ADCY2: variants seen among roughly 807,000 people sequenced by gnomAD.
ADCY2 encodes the protein adenylate cyclase type 2.
A neutral mutation model predicts 125.2 loss-of-function variants in ADCY2; 31 were observed. That is an observed-to-expected ratio of 0.25 (90% CI 0.19 to 0.33). The LOEUF (loss-of-function observed/expected upper bound fraction) is 0.33. Ranked by LOEUF, ADCY2 falls within the 10% of genes least tolerant of loss-of-function variation. The pLI is 1.00. For missense variants in ADCY2, 904 were observed against 1,418.2 expected, an observed-to-expected ratio of 0.64 and a Z score of 5.82; for synonymous variants, 512 against 548.4, an observed-to-expected ratio of 0.93 and a Z score of 0.93.
chr5:7,735,944 TC>T (rs1370628791), intron 14 of ADCY2, among the ~76,000 whole-genome samples: 1 of 152,204 alleles, frequency 6.6e-6, no homozygotes, highest in Non-Finnish European at 1.5e-5. Context: ...ACACCTGTAA[TC>T]CCAGCACTTT....
At chr5:7,458,668 G>A (rs7729543) in intron 2 of ADCY2, among the ~76,000 whole-genome samples, 13,341 of 152,050 alleles carry the variant, frequency 0.088, 1,002 homozygotes, top group African/African-American at 0.21. Context: ...CTTCCCACAG[G>A]GAGTTTGATA....
intron 3 of ADCY2, among the ~76,000 whole-genome samples, chr5:7,563,902 G>T (rs11134242): frequency 0.33 from 49,929 of 151,988 alleles, 8,997 homozygotes; most frequent in Non-Finnish European, 0.4. Context: ...AAATAGGCTG[G>T]GTACTACAGT....
intron 2 of ADCY2, among the ~76,000 whole-genome samples, chr5:7,434,123 A>G (rs1740710158): frequency 6.6e-6 from 1 of 152,234 alleles, no homozygotes; most frequent in Non-Finnish European, 1.5e-5. Flanking sequence ...ATGATGACAA[A>G]TAAATGCAAA....
chr5:7,799,646 T>C (rs1192915964), intron 20 of ADCY2: 1 of 152,422 alleles, frequency 6.6e-6, no homozygotes, highest in African/African-American at 2.4e-5. Flanking sequence ...AGAGCCTTGG[T>C]GGCAACCGCA....
chr5:7,488,693 C>A (rs372728575), intron 2 of ADCY2, among the ~76,000 whole-genome samples: 1 of 152,138 alleles, frequency 6.6e-6, no homozygotes, highest in African/African-American at 2.4e-5. Flanking sequence ...GTTAGGTGAT[C>A]AAAAGGGCCT....
chr5:7,699,047 C>T (rs1302868914), intron 7 of ADCY2, among the ~76,000 whole-genome samples: 1 of 121,318 alleles, frequency 8.2e-6, no homozygotes, highest in East Asian at 3.3e-4. Context: ...TCTCCAGCAT[C>T]TGTTGTTTCC....
At chr5:7,810,745 T>G (rs1053930461) in intron 22 of ADCY2, among the ~76,000 whole-genome samples, 3 of 152,246 alleles carry the variant, frequency 2.0e-5, no homozygotes, top group Middle Eastern at 3.4e-3. Flanking sequence ...TAGAAGCAAC[T>G]GTTCATTAGA....
chr5:7,668,173 T>A (rs905754192), intron 4 of ADCY2, among the ~76,000 whole-genome samples: 1 of 152,236 alleles, frequency 6.6e-6, no homozygotes, highest in Non-Finnish European at 1.5e-5. Flanking sequence ...GGTCAAAGAC[T>A]AGATGTTTTT....
At chr5:7,416,784 G>C (rs1352393211) in intron 2 of ADCY2, among the ~76,000 whole-genome samples, 1 of 152,172 alleles carries the variant, frequency 6.6e-6, no homozygotes, top group Non-Finnish European at 1.5e-5. Flanking sequence ...CTGGTGCCCA[G>C]GTAATGTAAA....
At chr5:7,704,122 T>C (rs1184797252) in intron 7 of ADCY2, among the ~76,000 whole-genome samples, 2 of 152,146 alleles carry the variant, frequency 1.3e-5, no homozygotes, top group African/African-American at 4.8e-5. Flanking sequence ...CATGCAAGGA[T>C]GTGCATTTCC....
intron 3 of ADCY2, among the ~76,000 whole-genome samples, chr5:7,555,469 T>A (rs1174034114): frequency 6.6e-6 from 1 of 152,242 alleles, no homozygotes; most frequent in Non-Finnish European, 1.5e-5. Flanking sequence ...TAATTCATGG[T>A]ATAATTTCCG....
intron 2 of ADCY2, among the ~76,000 whole-genome samples, chr5:7,500,887 A>G (rs1467011397): frequency 1.3e-5 from 2 of 152,098 alleles, no homozygotes; most frequent in Non-Finnish European, 2.9e-5. Context: ...GGATCCTTGC[A>G]GAAGTTCTTG....
intron 15 of ADCY2, among the ~76,000 whole-genome samples, chr5:7,756,297 G>T (rs1742988783): frequency 6.6e-6 from 1 of 152,226 alleles, no homozygotes; most frequent in African/African-American, 2.4e-5. Context: ...CTTATGCACT[G>T]AGACCCCATG....
intron 18 of ADCY2, among the ~76,000 whole-genome samples, chr5:7,776,193 T>A (rs1468598580): frequency 9.8e-5 from 9 of 91,548 alleles, no homozygotes; most frequent in African/African-American, 1.3e-4. Flanking sequence ...GTGAGATCCT[T>A]AAAAAAAAAA....
intron 18 of ADCY2, among the ~76,000 whole-genome samples, chr5:7,780,972 G>A (rs1202954876): frequency 6.6e-6 from 1 of 152,228 alleles, no homozygotes; most frequent in Non-Finnish European, 1.5e-5. Flanking sequence ...TGCGGCACGG[G>A]AGCATCTGAG....
At chr5:7,414,814 T>A (rs757789496) in intron 2 of ADCY2, 44 bp downstream of exon 2, 1 of 1,534,784 alleles carries the variant, frequency 6.5e-7, no homozygotes, top group African/African-American at 1.4e-5. Context: ...ATGTCTTGAT[T>A]TGTGACATAC....
chr5:7,507,682 G>A (rs1183402425), intron 2 of ADCY2, among the ~76,000 whole-genome samples: 1 of 152,072 alleles, frequency 6.6e-6, no homozygotes, highest in African/African-American at 2.4e-5. Flanking sequence ...TTAAGGAAAA[G>A]GACCTCCTGG....
At chr5:7,417,500 C>G (rs566725142) in intron 2 of ADCY2, among the ~76,000 whole-genome samples, 1 of 152,288 alleles carries the variant, frequency 6.6e-6, no homozygotes, top group South Asian at 2.1e-4. Flanking sequence ...TGGGGCAGGA[C>G]AGAGTGTAAG....
intron 2 of ADCY2, among the ~76,000 whole-genome samples, chr5:7,436,196 CA>C (rs1282334058): frequency 3.2e-4 from 48 of 152,082 alleles, no homozygotes; most frequent in African/African-American, 1.1e-3. Context: ...ATATTGTGAC[CA>C]GGGGTGCATA....
Sources: allele counts gnomAD v4.1 joint callset (sites outside exome capture counted in the v4.1 genomes callset), GRCh38; gene constraint gnomAD v4.1.1; transcripts MANE v1.5; gene names NCBI Gene and HGNC (gene_info 2026-07-23, HGNC 2026-07-21).